The following GABRG3 variants were observed in gnomAD, a reference collection of about 807,000 sequenced individuals.
GABRG3 encodes the protein gamma-aminobutyric acid receptor subunit gamma-3.
Under a neutral mutation model 48.8 loss-of-function variants are expected in GABRG3, and 25 were observed. The observed-to-expected ratio is 0.51, with a 90% CI of 0.37 to 0.72. The LOEUF is 0.72. Ranked by LOEUF, GABRG3 falls within the 30% of genes least tolerant of loss-of-function variation. The pLI, the probability that GABRG3 is intolerant of heterozygous loss-of-function variation, is 0.00. For synonymous variants in GABRG3, 227 were observed against 217.6 expected, an observed-to-expected ratio of 1.04 and a Z score of -0.38; for missense variants, 394 against 577.9, an observed-to-expected ratio of 0.68 and a Z score of 3.26.
At chr15:27,005,223 A>G (rs868377467) in intron 2 of GABRG3, among the ~76,000 whole-genome samples, 1 of 151,714 alleles carries the variant, frequency 6.6e-6, no homozygotes, top group African/African-American at 2.4e-5. Context: ...TATTTTTGAG[A>G]TGGAGTCTCT....
intron 9 of GABRG3, among the ~76,000 whole-genome samples, chr15:27,529,723 A>G (rs1891372447): frequency 6.6e-6 from 1 of 152,060 alleles, no homozygotes; most frequent in Non-Finnish European, 1.5e-5. Context: ...ACCAAAACAG[A>G]GGGGAGAGGG....
intron 3 of GABRG3, among the ~76,000 whole-genome samples, chr15:27,207,471 T>C (rs1027556430): frequency 2.6e-5 from 4 of 152,180 alleles, no homozygotes; most frequent in Admixed American, 2.6e-4. Flanking sequence ...TCAGGAAAAT[T>C]TGTTGCCCAC....
At chr15:27,276,052 C>T (rs898795889) in intron 3 of GABRG3, among the ~76,000 whole-genome samples, 3 of 152,128 alleles carry the variant, frequency 2.0e-5, no homozygotes, top group African/African-American at 7.2e-5. Context: ...AATAAGAACC[C>T]GCAAATGAGA....
In GABRG3 at chr15:27,308,327, T is replaced by G. The variant is rs1351712538; in HGVS notation, c.271-18482T>G. Among the ~76,000 whole-genome samples the G allele has an allele frequency of 3.5e-5, 5 of 140,994 alleles. 1 individual carries two copies. Among genetic ancestry groups the G allele is most frequent in the African/African-American group, 1.3e-4 (5 of 38,802 alleles). 92.5% of individuals were successfully genotyped at this position (140,994 alleles called of 152,430 possible). Reference sequence around the variant, plus strand: ...ATATAAACATATATAAACATACGTTTATATATAAACATAATATAAACATAC... The same window carrying G: ...ATATAAACATATATAAACATACGTTGATATATAAACATAATATAAACATAC... On this transcript the variant is annotated intron_variant, in intron 3 of 9. Coordinates refer to ENST00000615808, the MANE Select transcript of GABRG3 (RefSeq NM_033223.5).
At chr15:27,328,129 C>CAA (rs34834839) in intron 4 of GABRG3, among the ~76,000 whole-genome samples, 4,354 of 139,568 alleles carry the variant, frequency 0.031, 222 homozygotes, top group African/African-American at 0.11. Flanking sequence ...AAAAAAAAAC[C>CAA]AAAAAAAAAA....
chr15:27,528,156 T>A (rs961446850), intron 9 of GABRG3, among the ~76,000 whole-genome samples, 164 bp downstream of exon 9: 1 of 152,184 alleles, frequency 6.6e-6, no homozygotes, highest in Non-Finnish European at 1.5e-5. Flanking sequence ...AAATCCAACT[T>A]TGACAATTTG....
rs114462656 is a variant in GABRG3, at chr15:27,333,950, T to A, written c.574+5062T>A. ...ATTTAGTTCCTCATTCCTTAAGTTG[T>A]TTTGAAAATAATTTGTTTTCTTCTT... On this transcript the variant is annotated intron_variant, in intron 5 of 9. Transcript: ENST00000615808. Among the ~76,000 whole-genome samples, 1,003 of 152,324 alleles carry A rather than the reference T, an allele frequency of 6.6e-3. 15 individuals carry two copies. Among genetic ancestry groups the A allele is most frequent in the African/African-American group, 0.024 (978 of 41,578 alleles).
At chr15:27,224,659 C>G (rs62001275) in intron 3 of GABRG3, among the ~76,000 whole-genome samples, 1 of 152,148 alleles carries the variant, frequency 6.6e-6, no homozygotes, top group Admixed American at 6.5e-5. Flanking sequence ...GCCACAGTCA[C>G]GACTTATGAT....
intron 2 of GABRG3, among the ~76,000 whole-genome samples, chr15:26,998,680 T>A (rs914067550): frequency 9.4e-4 from 143 of 152,252 alleles, no homozygotes; most frequent in African/African-American, 3.4e-3. Flanking sequence ...CTGGTGACCA[T>A]CCCCTTCTAG....
At chr15:27,437,239 C>T (rs914974221) in intron 5 of GABRG3, among the ~76,000 whole-genome samples, 7 of 151,972 alleles carry the variant, frequency 4.6e-5, no homozygotes, top group Non-Finnish European at 5.9e-5. Flanking sequence ...GCTCTCTGCT[C>T]ACATGATTCA....
chr15:27,061,652 T>A (rs2140723422), intron 3 of GABRG3, among the ~76,000 whole-genome samples: 1 of 152,196 alleles, frequency 6.6e-6, no homozygotes, highest in African/African-American at 2.4e-5. Context: ...CTCAAGTTGA[T>A]TGATGGGGCA....
chr15:27,067,004 G>T (rs1301937610), intron 3 of GABRG3, among the ~76,000 whole-genome samples: 1 of 152,146 alleles, frequency 6.6e-6, no homozygotes, highest in East Asian at 1.9e-4. Flanking sequence ...CTTCTCTCTG[G>T]CCAAGAAAAA....
At chr15:27,307,871 ATGT>A (rs1892718344) in intron 3 of GABRG3, among the ~76,000 whole-genome samples, 1 of 134,902 alleles carries the variant, frequency 7.4e-6, no homozygotes, top group African/African-American at 2.7e-5. Flanking sequence ...ATATATATAA[ATGT>A]ATATGTTTAT....
intron 5 of GABRG3, among the ~76,000 whole-genome samples, chr15:27,399,793 A>G (rs1887423504): frequency 6.6e-6 from 1 of 152,150 alleles, no homozygotes; most frequent in Admixed American, 6.5e-5. Flanking sequence ...TTTCCTCTGA[A>G]TGATGACAGT....
At chr15:27,155,547 C>T (rs1898403028) in intron 3 of GABRG3, among the ~76,000 whole-genome samples, 1 of 152,126 alleles carries the variant, frequency 6.6e-6, no homozygotes. Context: ...CTTATTTAAG[C>T]TGTCTGTTTT....
intron 3 of GABRG3, among the ~76,000 whole-genome samples, chr15:27,052,523 C>G (rs1896473241): frequency 6.6e-6 from 1 of 152,174 alleles, no homozygotes; most frequent in Admixed American, 6.5e-5. Flanking sequence ...AGAAGTGCCA[C>G]AGTGCCTGTG....
intron 5 of GABRG3, among the ~76,000 whole-genome samples, chr15:27,403,142 TAA>T (rs553344922): frequency 5.1e-4 from 77 of 151,852 alleles, no homozygotes; most frequent in African/African-American, 1.7e-3. Flanking sequence ...AGAAAAAAAT[TAA>T]GACTGAAATT....
intron 2 of GABRG3, among the ~76,000 whole-genome samples, chr15:26,987,295 G>A (rs566979785): frequency 2.0e-5 from 3 of 152,276 alleles, no homozygotes; most frequent in Non-Finnish European, 2.9e-5. Flanking sequence ...CTTCTGTTTC[G>A]GGTTGGTTTA....
intron 5 of GABRG3, among the ~76,000 whole-genome samples, chr15:27,386,406 C>T (rs762718634): frequency 6.6e-6 from 1 of 152,072 alleles, no homozygotes; most frequent in Non-Finnish European, 1.5e-5. Context: ...TTTGCTGGAT[C>T]TTCGTGTTAA....
Sources: allele counts gnomAD v4.1 joint callset (sites outside exome capture counted in the v4.1 genomes callset), GRCh38; gene constraint gnomAD v4.1.1; transcripts MANE v1.5; gene names NCBI Gene and HGNC (gene_info 2026-07-23, HGNC 2026-07-21).